PCDH15: variants seen among roughly 807,000 people sequenced by gnomAD.
PCDH15 encodes protocadherin-15.
A neutral mutation model predicts 178.5 loss-of-function variants in PCDH15; 129 were observed. That is an observed-to-expected ratio of 0.72 (90% CI 0.63 to 0.84). The LOEUF is 0.84. Among genes scored for constraint, PCDH15 ranks in the 40% least tolerant of loss-of-function variants. The pLI, the probability that PCDH15 is intolerant of heterozygous loss-of-function variation, is 0.00. For missense variants in PCDH15, 2,230 were observed against 2,099.9 expected (o/e 1.06, Z -1.21); for synonymous variants, 800 against 732.0 (o/e 1.09, Z -1.50).
In PCDH15 at chr10:55,229,951, C is replaced by G. The variant is rs16907125; in HGVS notation, c.-155-63300G>C. Among the ~76,000 whole-genome samples the G allele has an allele frequency of 4.1e-3, 620 of 152,094 alleles. 8 individuals are homozygous for G. Among genetic ancestry groups the G allele is most frequent in the African/African-American group, 0.014 (600 of 41,474 alleles). On this transcript the variant is annotated intron_variant, in intron 1 of 5. Transcript: ENST00000458638. ...TGGACAATAATAGTAACCTGCTGAACTCTGCTGTGTCTGTTGAACAACTGA... is the reference window on the plus strand; with the variant it reads ...TGGACAATAATAGTAACCTGCTGAAGTCTGCTGTGTCTGTTGAACAACTGA...
At chr10:54,628,132 G>T (rs994675685) in intron 2 of PCDH15, among the ~76,000 whole-genome samples, 3 of 152,052 alleles carry the variant, frequency 2.0e-5, no homozygotes, top group African/African-American at 7.2e-5. Flanking sequence ...ATTTTCATAA[G>T]TTAGCACTAG....
intron 9 of PCDH15, among the ~76,000 whole-genome samples, chr10:54,231,451 A>G (rs1207753751): frequency 6.6e-6 from 1 of 152,358 alleles, no homozygotes; most frequent in African/African-American, 2.4e-5. Flanking sequence ...TGGAGCCCTC[A>G]TGGAACACCT....
chr10:55,045,725 T>C (rs1840986297), intron 2 of PCDH15, among the ~76,000 whole-genome samples: 2 of 152,070 alleles, frequency 1.3e-5, no homozygotes, highest in Non-Finnish European at 2.9e-5. Context: ...AATTAATGCA[T>C]GTTCTTATAA....
chr10:55,176,645 T>G (rs904099206), intron 1 of PCDH15, among the ~76,000 whole-genome samples: 3 of 152,020 alleles, frequency 2.0e-5, no homozygotes, highest in Admixed American at 1.3e-4. Context: ...CAATAAGAAA[T>G]GGAGACGTTC....
chr10:55,487,157 C>T (rs1840314225), intron 2 of PCDH15, among the ~76,000 whole-genome samples: 1 of 151,540 alleles, frequency 6.6e-6, no homozygotes, highest in Admixed American at 6.6e-5. Flanking sequence ...TTTATGATTA[C>T]ATTGTTTGAC....
At chr10:54,846,305 A>T (rs778016436) in intron 3 of PCDH15, among the ~76,000 whole-genome samples, 57 of 152,232 alleles carry the variant, frequency 3.7e-4, no homozygotes, top group Non-Finnish European at 6.9e-4. Flanking sequence ...CTAGAAAAAA[A>T]TTTTTTAGGT....
intron 2 of PCDH15, among the ~76,000 whole-genome samples, chr10:55,079,132 G>T (rs537858871): frequency 2.0e-5 from 3 of 152,174 alleles, no homozygotes; most frequent in Admixed American, 6.5e-5. Flanking sequence ...TGTTGCTAGA[G>T]AATTATTGTG....
At position 55,379,214 on chromosome 10, in the gene PCDH15, C is replaced by G. The variant is rs114148619; in HGVS notation, c.-155-212563G>C. Among the ~76,000 whole-genome samples the G allele has an allele frequency of 4.2e-3, 633 of 151,956 alleles. 10 individuals carry two copies. The highest frequency in any genetic ancestry group is 0.015 in the African/African-American group (607 of 41,442). ...ATCTGCCTTTCCCCTACAGATGTAA[C>G]TGTAAATAATCACCTCCCCTGTTAT... On this transcript the variant is annotated intron_variant, in intron 2 of 5. Transcript: ENST00000613346.
intron 1 of PCDH15, among the ~76,000 whole-genome samples, chr10:54,762,860 A>G (rs1205002320): frequency 6.6e-6 from 1 of 152,194 alleles, no homozygotes; most frequent in African/African-American, 2.4e-5. Context: ...ACATGTGGCA[A>G]TAAAATGAAA....
intron 1 of PCDH15, among the ~76,000 whole-genome samples, chr10:54,680,761 T>TTCATCACA (rs1321299264): frequency 6.6e-6 from 1 of 152,194 alleles, no homozygotes; most frequent in African/African-American, 2.4e-5. Context: ...TTGCTGCTCC[T>TTCATCACA]TCACCTTCTG....
chr10:55,592,122 G>A (rs1842853371), intron 2 of PCDH15, among the ~76,000 whole-genome samples: 1 of 152,092 alleles, frequency 6.6e-6, no homozygotes, highest in South Asian at 2.1e-4. Context: ...AATAAAAGGA[G>A]GAAGATATCT....
intron 1 of PCDH15, among the ~76,000 whole-genome samples, chr10:55,288,883 A>G (rs912709828): frequency 6.6e-6 from 1 of 151,578 alleles, no homozygotes; most frequent in Non-Finnish European, 1.5e-5. Context: ...ATATATATAT[A>G]TATATCTAGA....
At chr10:54,541,454 C>G (rs1345972996) in intron 2 of PCDH15, among the ~76,000 whole-genome samples, 1 of 152,058 alleles carries the variant, frequency 6.6e-6, no homozygotes, top group Non-Finnish European at 1.5e-5. Flanking sequence ...TAAAAATTAT[C>G]TGAGGAATGT....
chr10:55,207,629 G>A (rs1840437883), intron 1 of PCDH15, among the ~76,000 whole-genome samples: 1 of 152,054 alleles, frequency 6.6e-6, no homozygotes, highest in African/African-American at 2.4e-5. Flanking sequence ...ATAATCAGTG[G>A]GAAGATATTT....
intron 2 of PCDH15, among the ~76,000 whole-genome samples, chr10:55,097,868 T>G (rs1336804254): frequency 6.6e-6 from 1 of 152,154 alleles, no homozygotes; most frequent in Non-Finnish European, 1.5e-5. Flanking sequence ...ACTTTCATCA[T>G]TTTTTATTTA....
intron 20 of PCDH15, among the ~76,000 whole-genome samples, chr10:53,998,844 G>T (rs1168048794): frequency 6.6e-6 from 1 of 151,952 alleles, no homozygotes; most frequent in Non-Finnish European, 1.5e-5. Flanking sequence ...CCAAGGTCAG[G>T]AGTTCGAGAC....
At chr10:54,809,234 T>C (rs1952825535) in intron 3 of PCDH15, among the ~76,000 whole-genome samples, 1 of 152,154 alleles carries the variant, frequency 6.6e-6, no homozygotes, top group Non-Finnish European at 1.5e-5. Flanking sequence ...TGTATCAACT[T>C]TCTCTGTTAG....
intron 2 of PCDH15, among the ~76,000 whole-genome samples, chr10:55,465,398 G>A (rs1391234066): frequency 6.6e-6 from 1 of 152,132 alleles, no homozygotes; most frequent in Admixed American, 6.6e-5. Flanking sequence ...GTATTGTACT[G>A]GAGATTAGCC....
Position 55,098,601 on chromosome 10 carries a change from AAGG to A in PCDH15, c.-80+67972_-80+67974del, listed in dbSNP as rs376118018. Reference sequence around the variant, plus strand: ...CTATTTGCCAAGCCACGCTTTCAGTAAGGAGAAGACAATATGGAGCCAGCCAGA... The same window carrying A: ...CTATTTGCCAAGCCACGCTTTCAGTAAGAAGACAATATGGAGCCAGCCAGA... On this transcript the variant is annotated intron_variant, in intron 2 of 5. Coordinates refer to the PCDH15 transcript ENST00000458638. Among the ~76,000 whole-genome samples the A allele has an allele frequency of 8.5e-4, 130 of 152,142 alleles. 3 individuals carry two copies. The East Asian group carries it at 0.024, about 28-fold the overall frequency.
Sources: gnomAD v4.1 joint callset for allele counts (sites outside exome capture counted in the v4.1 genomes callset) on GRCh38, gnomAD v4.1.1 for gene constraint, MANE v1.5 for transcripts, NCBI Gene and HGNC (gene_info 2026-07-23, HGNC 2026-07-21) for gene names.